XIST: variants seen among roughly 807,000 people sequenced by gnomAD.
XIST encodes the protein X inactive specific transcript, also known as X inactive specific transcript (non-protein coding).
exon 1 of XIST, chrX:73,846,626 T>A (rs1225878837): frequency 3.6e-6 from 2 of 557,014 alleles, no homozygotes; most frequent in Non-Finnish European, 6.5e-6. Flanking sequence ...ACTCTCCAAA[T>A]AAAAGGGTCT....
chrX:73,849,405 T>C (rs1224744300), exon 1 of XIST: 1 of 559,087 alleles, frequency 1.8e-6, no homozygotes. Context: ...ATTAGAATTT[T>C]ACTCAATGCA....
At position 73,843,956 on chromosome X, in the gene XIST, G is replaced by A. The variant is rs760694853; in HGVS notation, n.8768C>T. 59 of 558,447 alleles carry A rather than the reference G, an allele frequency of 1.1e-4. No homozygotes were observed. In the East Asian group the frequency reaches 1.9e-3, roughly 18 times the overall value. The allele number at this position is 558,447 out of a possible 1,213,427, so 46.0% of individuals were successfully genotyped here. On this transcript the variant is annotated non_coding_transcript_exon_variant, in exon 1 of 6. Transcript: ENST00000429829. ...ATTATATGTTGATAGTCCACCAGAA[G>A]GGGCCTTGGAGGGAAACAGTATACC...
chrX:73,849,559 CAATAATGCTCTGATAGAAAGCTCT>C, exon 1 of XIST: 1 of 558,143 alleles, frequency 1.8e-6, no homozygotes, highest in South Asian at 2.2e-5. Context: ...AAATTGTGGG[CAATAATGCTCTGATAGAAAGCTCT>C]CAATTGACAT....
chrX:73,842,198 T>C (rs1368488823), exon 1 of XIST: 1 of 511,307 alleles, frequency 2.0e-6, no homozygotes, highest in Non-Finnish European at 3.5e-6. Context: ...TAATAAGCAA[T>C]TTTTCTGGCT....
Position 73,823,963 on chromosome X carries a change from T to C in XIST, n.15938A>G, listed in dbSNP as rs141214761. ...AGTAAGCCAATAGTTCATTCCTATC[T>C]GTATAGAACTGTAGGCTTTGTAAAT... is the stretch of plus-strand genomic sequence containing the variant. On this transcript the variant is annotated non_coding_transcript_exon_variant, in exon 6 of 6. Transcript: ENST00000429829. 1,579 of 551,269 alleles carry C rather than the reference T, an allele frequency of 2.9e-3. 20 individuals are homozygous for C. The African/African-American group carries it at 0.03, about 10-fold the overall frequency. 45.4% of individuals were successfully genotyped at this position (551,269 alleles called of 1,213,427 possible).
chrX:73,845,343 A>G (rs1391392148), exon 1 of XIST: 1 of 556,299 alleles, frequency 1.8e-6, no homozygotes, highest in Non-Finnish European at 3.2e-6. Context: ...CTGTACTGCA[A>G]AAAGGGTCTG....
At chrX:73,838,370 C>T (rs145704470) in intron 1 of XIST, among the ~76,000 whole-genome samples, 4,005 of 110,358 alleles carry the variant, frequency 0.036, 214 homozygotes, top group African/African-American at 0.13. Context: ...CTCATGTTTC[C>T]GGGAACACTA....
chrX:73,832,962 G>A (rs983748114), intron 3 of XIST, among the ~76,000 whole-genome samples: 7 of 111,158 alleles, frequency 6.3e-5, no homozygotes, highest in African/African-American at 2.3e-4. Context: ...GCTCACTGCA[G>A]CCTTGAACTC....
exon 6 of XIST, chrX:73,825,918 G>A (rs971579432): frequency 5.4e-6 from 3 of 559,177 alleles, no homozygotes; most frequent in Non-Finnish European, 9.7e-6. Context: ...ATGCTCAACA[G>A]TCCCAGGTTC....
rs781473155 is a variant in XIST, at chrX:73,823,997, A to G, written n.15904T>C. The stretch of plus-strand genomic sequence containing the variant: ...CTGTAGGCTTTGTAAATCTACACAT[A>G]GATCTCTGTTGTAGGTTCAATAATG... On this transcript the variant is annotated non_coding_transcript_exon_variant, in exon 6 of 6. Coordinates refer to ENST00000429829, the Ensembl canonical transcript of XIST. 2.9e-5 allele frequency: 16 copies of G among 553,236 alleles called. No homozygotes were observed. In the East Asian group the frequency reaches 5.2e-4, roughly 18 times the overall value. The allele number at this position is 553,236 out of a possible 1,213,427, so 45.6% of individuals were successfully genotyped here. A position where few individuals can be genotyped will look rare whatever the true frequency, so the allele number is the denominator to read the frequency against.
intron 1 of XIST, chrX:73,841,152 A>G: frequency 3.3e-6 from 1 of 306,739 alleles, no homozygotes; most frequent in Non-Finnish European, 5.7e-6. Flanking sequence ...GTAACCTAGC[A>G]TAGAGCTGGG....
intron 3 of XIST, chrX:73,831,347 G>A: frequency 2.2e-6 from 1 of 445,656 alleles, no homozygotes; most frequent in Admixed American, 3.3e-5. Context: ...GCAACTAGTG[G>A]TTGAGTTCAA....
intron 4 of XIST, among the ~76,000 whole-genome samples, chrX:73,830,595 T>C (rs1275026603): frequency 8.9e-6 from 1 of 111,794 alleles, no homozygotes; most frequent in Non-Finnish European, 1.9e-5. Context: ...CTTCCATCAA[T>C]CAGCAACCAT....
At chrX:73,823,072 A>G in exon 6 of XIST, 1 of 553,502 alleles carries the variant, frequency 1.8e-6, no homozygotes. Flanking sequence ...TATTGCTCAT[A>G]TGTCTTCCTG....
chrX:73,823,340 A>G (rs780986120), exon 6 of XIST: 2 of 486,873 alleles, frequency 4.1e-6, no homozygotes, highest in South Asian at 2.8e-5. Context: ...CTCAAAGGCA[A>G]TTGAGTGGGT....
intron 1 of XIST, among the ~76,000 whole-genome samples, chrX:73,840,171 T>C (rs773327146): frequency 9.0e-6 from 1 of 111,596 alleles, no homozygotes; most frequent in African/African-American, 3.3e-5. Flanking sequence ...TCAGAAAATT[T>C]TGTTCCTTTA....
exon 1 of XIST, chrX:73,846,707 A>G (rs1393004628): frequency 5.4e-6 from 3 of 557,654 alleles, no homozygotes; most frequent in Admixed American, 4.4e-5. Flanking sequence ...TCTAGTGCAT[A>G]GCAACCTCGA....
intron 3 of XIST, among the ~76,000 whole-genome samples, chrX:73,832,456 T>G (rs1299006997): frequency 8.9e-6 from 1 of 111,990 alleles, no homozygotes; most frequent in Non-Finnish European, 1.9e-5. Context: ...TATTCCACTT[T>G]TTAACAATTT....
At chrX:73,843,970 A>C in exon 1 of XIST, 1 of 558,738 alleles carries the variant, frequency 1.8e-6, no homozygotes, top group Non-Finnish European at 3.2e-6. Context: ...CCTTGGAGGG[A>C]AACAGTATAC....
Sources: allele counts gnomAD v4.1 joint callset (sites outside exome capture counted in the v4.1 genomes callset), GRCh38; gene constraint gnomAD v4.1.1; transcripts MANE v1.5; gene names NCBI Gene and HGNC (gene_info 2026-07-23, HGNC 2026-07-21).